Variants in DIAPH3 observed in about 807,000 individuals in gnomAD.
DIAPH3 encodes protein diaphanous homolog 3.
A neutral mutation model predicts 144.3 loss-of-function variants in DIAPH3; 117 were observed. The ratio of observed to expected loss-of-function variants is 0.81; its 90% CI spans 0.70 to 0.95. DIAPH3 has a LOEUF of 0.95. Ranked by LOEUF, DIAPH3 falls within the 40% of genes least tolerant of loss-of-function variation. The pLI is 0.00. For synonymous variants in DIAPH3, 519 were observed against 488.9 expected (o/e 1.06, Z -0.81); for missense variants, 1,421 against 1,412.7 (o/e 1.01, Z -0.09).
intron 25 of DIAPH3, among the ~76,000 whole-genome samples, chr13:59,810,045 T>C (rs1170519773): frequency 1.3e-5 from 2 of 152,288 alleles, no homozygotes; most frequent in East Asian, 1.9e-4. Context: ...TATATACATA[T>C]GTTTCTGTAA....
intron 25 of DIAPH3, among the ~76,000 whole-genome samples, chr13:59,783,350 C>T (rs79472312): frequency 0.012 from 1,796 of 152,182 alleles, 27 homozygotes; most frequent in African/African-American, 0.04. Context: ...AGTACAGAAC[C>T]GTCTTTGTTT....
chr13:59,677,302 G>T (rs2032696367), intron 27 of DIAPH3, among the ~76,000 whole-genome samples: 1 of 151,432 alleles, frequency 6.6e-6, no homozygotes. Flanking sequence ...GTGCTTTTGG[G>T]TCCCTTGAGG....
At chr13:60,090,683 A>G (rs185495295) in intron 4 of DIAPH3, among the ~76,000 whole-genome samples, 1 of 152,314 alleles carries the variant, frequency 6.6e-6, no homozygotes, top group Non-Finnish European at 1.5e-5. Context: ...GTGGCATGAC[A>G]AAGTCTGTAC....
At chr13:60,052,137 G>A (rs1326709245) in intron 4 of DIAPH3, among the ~76,000 whole-genome samples, 1 of 152,112 alleles carries the variant, frequency 6.6e-6, no homozygotes, top group Non-Finnish European at 1.5e-5. Context: ...GTGTGAGAGT[G>A]AAGATCTGAG....
At chr13:59,755,400 T>C (rs2139146588) in intron 27 of DIAPH3, among the ~76,000 whole-genome samples, 1 of 152,248 alleles carries the variant, frequency 6.6e-6, no homozygotes, top group Non-Finnish European at 1.5e-5. Context: ...GATACTTAGT[T>C]GGGCAGGGGT....
intron 22 of DIAPH3, among the ~76,000 whole-genome samples, chr13:59,853,864 C>T (rs1164298491): frequency 6.6e-6 from 1 of 152,052 alleles, no homozygotes; most frequent in African/African-American, 2.4e-5. Flanking sequence ...GTATAATTTC[C>T]ATGCACTGTT....
chr13:59,777,425 C>T (rs2038477748), intron 25 of DIAPH3, among the ~76,000 whole-genome samples: 1 of 151,996 alleles, frequency 6.6e-6, no homozygotes. Flanking sequence ...TAATAGATGT[C>T]AAAGATATGA....
chr13:59,841,637 C>T (rs1287794375), intron 22 of DIAPH3, among the ~76,000 whole-genome samples: 2 of 152,080 alleles, frequency 1.3e-5, no homozygotes, highest in Non-Finnish European at 2.9e-5. Context: ...ATAAGCCATA[C>T]ATCTACTTTG....
intron 5 of DIAPH3, among the ~76,000 whole-genome samples, chr13:60,026,820 G>A (rs896416992): frequency 6.6e-6 from 1 of 151,618 alleles, no homozygotes; most frequent in African/African-American, 2.4e-5. Context: ...TTTTCTTATT[G>A]TCCTATAATG....
intron 17 of DIAPH3, among the ~76,000 whole-genome samples, chr13:59,951,510 C>CT (rs1025287916): frequency 3.9e-5 from 6 of 152,082 alleles, no homozygotes; most frequent in African/African-American, 1.4e-4. Context: ...ACACATATAT[C>CT]TTTCATGTAA....
At chr13:60,022,072 T>C (rs991596925) in intron 5 of DIAPH3, among the ~76,000 whole-genome samples, 14 of 152,238 alleles carry the variant, frequency 9.2e-5, no homozygotes, top group African/African-American at 2.9e-4. Context: ...TGCTAGTACA[T>C]AGAAATACAA....
intron 20 of DIAPH3, among the ~76,000 whole-genome samples, chr13:59,907,317 T>C (rs987065800): frequency 6.6e-6 from 1 of 152,112 alleles, no homozygotes; most frequent in African/African-American, 2.4e-5. Flanking sequence ...AGCATGTAAA[T>C]GGCCTTATTC....
chr13:60,050,081 A>C (rs2056265496), intron 4 of DIAPH3, among the ~76,000 whole-genome samples: 1 of 152,070 alleles, frequency 6.6e-6, no homozygotes, highest in African/African-American at 2.4e-5. Context: ...GTAGATCTAG[A>C]TACTCAGGAG....
chr13:59,719,197 A>C (rs962606681), intron 27 of DIAPH3, among the ~76,000 whole-genome samples: 7 of 152,244 alleles, frequency 4.6e-5, no homozygotes, highest in Admixed American at 1.3e-4. Flanking sequence ...CCATAAAATA[A>C]AATGTCGTGC....
intron 20 of DIAPH3, among the ~76,000 whole-genome samples, chr13:59,892,500 T>A (rs1213480107): frequency 6.6e-6 from 1 of 151,974 alleles, no homozygotes; most frequent in Admixed American, 6.6e-5. Context: ...GAAGTCTAGA[T>A]TTATAAAATG....
At chr13:60,158,926 A>AC (rs1952157628) in intron 1 of DIAPH3, among the ~76,000 whole-genome samples, 1 of 151,568 alleles carries the variant, frequency 6.6e-6, no homozygotes, top group Non-Finnish European at 1.5e-5. Context: ...AAAAAAAAAA[A>AC]AAAAAACCAA....
chr13:59,881,724 C>G (rs1007449904), intron 20 of DIAPH3, among the ~76,000 whole-genome samples: 1 of 151,868 alleles, frequency 6.6e-6, no homozygotes, highest in Non-Finnish European at 1.5e-5. Context: ...TGATGTAATG[C>G]AGAACAAAGT....
At chr13:59,961,415 C>T (rs1220459333) in intron 17 of DIAPH3, among the ~76,000 whole-genome samples, 1 of 152,174 alleles carries the variant, frequency 6.6e-6, no homozygotes, top group Admixed American at 6.5e-5. Context: ...CACAACATCC[C>T]TCACTTCGCG....
intron 24 of DIAPH3, 34 bp from the exon 25 acceptor site, chr13:59,810,957 C>T (rs2040440572): frequency 1.3e-6 from 2 of 1,571,984 alleles, no homozygotes; most frequent in South Asian, 1.2e-5. Context: ...CAATTTTAAC[C>T]AGTGATTCAT....
Sources: allele counts gnomAD v4.1 joint callset (sites outside exome capture counted in the v4.1 genomes callset), GRCh38; gene constraint gnomAD v4.1.1; transcripts MANE v1.5; gene names NCBI Gene and HGNC (gene_info 2026-07-23, HGNC 2026-07-21).